The following TMED2 variants were observed in gnomAD, a reference collection of about 807,000 sequenced individuals.
The protein encoded by TMED2 is transmembrane emp24 domain-containing protein 2.
In TMED2, 3 loss-of-function variants were observed where a neutral mutation model predicts 17.5. That is an observed-to-expected ratio of 0.17 (90% CI 0.08 to 0.44). The LOEUF (loss-of-function observed/expected upper bound fraction) is 0.44. Ranked by LOEUF, TMED2 falls within the 20% of genes least tolerant of loss-of-function variation. The pLI is 0.99. For synonymous variants in TMED2, 95 were observed against 91.0 expected, an observed-to-expected ratio of 1.04 and a Z score of -0.25; for missense variants, 149 against 254.8, an observed-to-expected ratio of 0.58 and a Z score of 2.83.
rs1464360524 is a variant in TMED2 at position 123,585,017 on chromosome 12, G to A, written c.180+201G>A. On this transcript the variant is annotated intron_variant, in intron 1 of 3. Transcript: ENST00000262225. ...GCCCCTTTTCCCGCGACTTGCCTGG[G>A]TTCCGGGATCCCTTGGGGGCTCCTT... 1.7e-5 allele frequency: 11 copies of A among 632,956 alleles called. No individual in the cohort carries two copies. In the East Asian group the frequency reaches 2.9e-4, roughly 17 times the overall value. 39.2% of individuals were successfully genotyped at this position (632,956 alleles called of 1,614,324 possible). A position where few individuals can be genotyped will look rare whatever the true frequency, so the allele number is the denominator to read the frequency against.
In TMED2 at chr12:123,598,222, T is replaced by C. The variant is rs956230077; in HGVS notation, c.*1493T>C. ...CTGTTCTTATTTGACATGAGACATG[T>C]TCATGTTTTCTGAGTATTTATACCT... On this transcript the variant is annotated 3_prime_UTR_variant, in exon 4 of 4. Coordinates refer to ENST00000262225, the MANE Select transcript of TMED2 (RefSeq NM_006815.4). The C allele has an allele frequency of 3.3e-5, 5 of 152,288 alleles. No individual in the cohort carries two copies. The highest frequency in any genetic ancestry group is 1.2e-4 in the African/African-American group (5 of 41,444). 9.4% of individuals were successfully genotyped at this position (152,288 alleles called of 1,614,324 possible).
chr12:123,589,677 G>A (rs553593121), intron 2 of TMED2, among the ~76,000 whole-genome samples: 30 of 152,236 alleles, frequency 2.0e-4, no homozygotes, highest in African/African-American at 6.5e-4. Context: ...AGTCCAAATT[G>A]ATGTTTGAAC....
intron 3 of TMED2, among the ~76,000 whole-genome samples, chr12:123,592,180 C>T (rs1953397048): frequency 6.6e-6 from 1 of 152,186 alleles, no homozygotes; most frequent in African/African-American, 2.4e-5. Flanking sequence ...ACAATTACTC[C>T]AGCCTCTTGC....
chr12:123,585,317 TGTGTTTATTTTTC>T (rs2135657352), intron 1 of TMED2, among the ~76,000 whole-genome samples: 1 of 152,302 alleles, frequency 6.6e-6, no homozygotes, highest in East Asian at 1.9e-4. Context: ...ACTTTCGCGT[TGTGTTTATTTTTC>T]ATAGAAGCAA....
At chr12:123,596,052 T>TG (rs1416175205) in intron 3 of TMED2, among the ~76,000 whole-genome samples, 1 of 152,154 alleles carries the variant, frequency 6.6e-6, no homozygotes, top group African/African-American at 2.4e-5. Flanking sequence ...TTGAGTTGCT[T>TG]GGAGACAAAA....
intron 3 of TMED2, among the ~76,000 whole-genome samples, chr12:123,592,457 A>C (rs1024620686): frequency 2.6e-5 from 4 of 152,108 alleles, no homozygotes; most frequent in Non-Finnish European, 5.9e-5. Context: ...TTCCGTCTTT[A>C]GGGTGTCCAA....
At chr12:123,590,107 A>T (rs1953380245) in intron 2 of TMED2, among the ~76,000 whole-genome samples, 1 of 151,972 alleles carries the variant, frequency 6.6e-6, no homozygotes, top group Non-Finnish European at 1.5e-5. Flanking sequence ...ACATGGTGAA[A>T]CCCCGTCTCT....
intron 1 of TMED2, 61 bp downstream of exon 1, chr12:123,584,877 C>A (rs918084031): frequency 8.2e-6 from 13 of 1,583,804 alleles, no homozygotes; most frequent in Non-Finnish European, 9.4e-6. Context: ...ATTGGTGGCA[C>A]CTGGGACCGG....
rs753355134 is a variant in TMED2, at chr12:123,597,166, A to G, written c.*437A>G. The G allele has an allele frequency of 1.2e-4, 18 of 152,516 alleles. No homozygotes were observed. The highest frequency in any genetic ancestry group is 2.6e-4 in the Non-Finnish European group (18 of 68,306). The allele number at this position is 152,516 out of a possible 1,614,324, so 9.4% of individuals were successfully genotyped here. A position where few individuals can be genotyped will look rare whatever the true frequency, so the allele number is the denominator to read the frequency against. On this transcript the variant is annotated 3_prime_UTR_variant, in exon 4 of 4. Coordinates refer to ENST00000262225, the MANE Select transcript of TMED2 (RefSeq NM_006815.4). The stretch of plus-strand genomic sequence containing the variant: ...AAAGATTCATTTTTGTTGAGTCCTT[A>G]TGAGAAACAGCAGTATGAATCTTGA...
chr12:123,593,262 T>G (rs796098852), intron 3 of TMED2, among the ~76,000 whole-genome samples: 1 of 110,294 alleles, frequency 9.1e-6, no homozygotes, highest in Non-Finnish European at 2.0e-5. Flanking sequence ...GTTTTTGTTG[T>G]TTTTTTTTTA....
chr12:123,587,491 T>C (rs771343634), intron 2 of TMED2: 49 of 692,166 alleles, frequency 7.1e-5, no homozygotes, highest in Middle Eastern at 5.2e-4. Flanking sequence ...TCTTCAGTTA[T>C]TTTTTCTGTT....
At chr12:123,593,649 G>A (rs1398381595) in intron 3 of TMED2, among the ~76,000 whole-genome samples, 1 of 152,134 alleles carries the variant, frequency 6.6e-6, no homozygotes, top group Non-Finnish European at 1.5e-5. Context: ...TGTACCCAGT[G>A]AATCTTTAAG....
chr12:123,585,486 C>T (rs908261013), intron 1 of TMED2: 1 of 152,186 alleles, frequency 6.6e-6, no homozygotes, highest in Admixed American at 6.5e-5. Flanking sequence ...CCAGCAGTCC[C>T]TAAATCTCCA....
intron 3 of TMED2, among the ~76,000 whole-genome samples, chr12:123,593,407 C>T (rs990107007): frequency 6.6e-6 from 1 of 152,120 alleles, no homozygotes; most frequent in African/African-American, 2.4e-5. Context: ...CGCACGCCAC[C>T]ACCAAATTTT....
Position 123,584,827 on chromosome 12 carries a change from G to C in TMED2, c.180+11G>C, listed in dbSNP as rs775805442. On this transcript the variant is annotated intron_variant, in intron 1 of 3. Coordinates refer to ENST00000262225, the MANE Select transcript of TMED2 (RefSeq NM_006815.4). ...GACATCGACGTGGAGGTGCGGGCTA[G>C]CTGCCCGCAGCTGAGGCTTGGTCGC... 1.6e-5 allele frequency: 26 copies of C among 1,605,710 alleles called. No homozygotes were observed. The highest frequency in any genetic ancestry group is 2.7e-5 in the African/African-American group (2 of 74,904).
intron 3 of TMED2, 65 bp from the exon 4 acceptor site, chr12:123,596,540 T>A: frequency 6.5e-7 from 1 of 1,544,416 alleles, no homozygotes; most frequent in Non-Finnish European, 8.7e-7. Flanking sequence ...CTAAAATATT[T>A]ATGATGCCTA....
intron 1 of TMED2, 61 bp from the exon 2 acceptor site, chr12:123,586,686 A>G: frequency 6.8e-7 from 1 of 1,472,808 alleles, no homozygotes; most frequent in Non-Finnish European, 9.1e-7. Context: ...ATTAGACATT[A>G]CTTATAAAGT....
chr12:123,590,550 A>T, intron 3 of TMED2, 101 bp downstream of exon 3: 1 of 880,730 alleles, frequency 1.1e-6, no homozygotes, highest in East Asian at 3.0e-5. Flanking sequence ...TGCAAATTTT[A>T]TGTGAAAGCA....
intron 1 of TMED2, among the ~76,000 whole-genome samples, chr12:123,585,363 C>T (rs1002399278): frequency 2.6e-5 from 4 of 152,192 alleles, no homozygotes; most frequent in African/African-American, 9.6e-5. Context: ...ACTCTTTACG[C>T]CTCCAGCTAC....
Sources: allele counts gnomAD v4.1 joint callset (sites outside exome capture counted in the v4.1 genomes callset), GRCh38; gene constraint gnomAD v4.1.1; transcripts MANE v1.5; gene names NCBI Gene and HGNC (gene_info 2026-07-23, HGNC 2026-07-21).